The following ACOT1 variants were observed in gnomAD, a reference collection of about 807,000 sequenced individuals.
The protein encoded by ACOT1 is acyl-CoA thioesterase 1, also known as acyl-coenzyme A thioesterase 1.
In ACOT1, 8 loss-of-function variants were observed where a neutral mutation model predicts 15.7. That is an observed-to-expected ratio of 0.51 (90% CI 0.30 to 0.92). ACOT1 has a LOEUF of 0.92. Ranked by LOEUF, ACOT1 falls within the 40% of genes least tolerant of loss-of-function variation. ACOT1 has a pLI of 0.06. For missense variants in ACOT1, 151 were observed against 539.4 expected (o/e 0.28, Z 7.13); for synonymous variants, 67 against 241.2 (o/e 0.28, Z 6.69).
At chr14:73,501,563 C>G in the ACOT1 span, among the ~76,000 whole-genome samples, 3 of 144,240 alleles carry the variant, frequency 2.1e-5, no homozygotes, top group Non-Finnish European at 4.5e-5. Flanking sequence ...TATGCAGTCT[C>G]TCTCTCTTTT....
chr14:73,491,497 G>T, the ACOT1 span: 5 of 1,509,388 alleles, frequency 3.3e-6, no homozygotes, highest in East Asian at 1.2e-4. Context: ...CCGTCCAGTC[G>T]TCCGGGGCCC....
At chr14:73,514,056 C>T in the ACOT1 span, 1 of 1,614,198 alleles carries the variant, frequency 6.2e-7, no homozygotes. Flanking sequence ...TCTTCCATTC[C>T]TTCAGCATCC....
the ACOT1 span, among the ~76,000 whole-genome samples, chr14:73,509,056 G>A: frequency 3.3e-5 from 5 of 151,966 alleles, no homozygotes; most frequent in Non-Finnish European, 7.4e-5. Context: ...TTATAGAGAT[G>A]GGGTCTTGTT....
At chr14:73,505,985 G>T in the ACOT1 span, among the ~76,000 whole-genome samples, 4 of 150,472 alleles carry the variant, frequency 2.7e-5, no homozygotes, top group Admixed American at 2.7e-4. Flanking sequence ...CTGCCTCCTG[G>T]GTTCAAGCGA....
the ACOT1 span, chr14:73,503,104 A>G: frequency 2.0e-6 from 2 of 980,870 alleles, no homozygotes; most frequent in Non-Finnish European, 3.2e-6. Context: ...TTTTTTACTC[A>G]TCACTGTACT....
the ACOT1 span, among the ~76,000 whole-genome samples, chr14:73,506,043 A>G: frequency 1.6e-4 from 25 of 151,994 alleles, no homozygotes; most frequent in Middle Eastern, 3.4e-3. Flanking sequence ...GGCGCGTGCC[A>G]CCACACTCTG....
At chr14:73,504,654 T>C in the ACOT1 span, among the ~76,000 whole-genome samples, 2 of 152,184 alleles carry the variant, frequency 1.3e-5, no homozygotes, top group African/African-American at 4.8e-5. Flanking sequence ...CCAAAACCTT[T>C]TCAGGTGATT....
At chr14:73,491,752 T>C in the ACOT1 span, 10 of 1,559,818 alleles carry the variant, frequency 6.4e-6, no homozygotes, top group Non-Finnish European at 7.8e-6. Flanking sequence ...TCTCTACCGC[T>C]GACCTGGATT....
At position 73,543,043 on chromosome 14, in the gene ACOT1, T is replaced by C; in HGVS notation, c.661-7T>C. 7.5e-7 allele frequency: 1 copy of C among 1,336,550 alleles called. No homozygotes were observed. The highest frequency in any genetic ancestry group is 1.0e-6 in the Non-Finnish European group (1 of 986,572). 82.8% of individuals were successfully genotyped at this position (1,336,550 alleles called of 1,614,324 possible). On this transcript the variant is annotated splice_polypyrimidine_tract_variant and splice_region_variant and intron_variant, in intron 2 of 2. Coordinates refer to ENST00000311148, the MANE Select transcript of ACOT1 (RefSeq NM_001037161.2). ...TTCTTCTTCTTTTTCCTTTGTCCCTTTCTCAGGTAAAAGGTCCAGGAGTTG... is the reference window on the plus strand; with the variant it reads ...TTCTTCTTCTTTTTCCTTTGTCCCTCTCTCAGGTAAAAGGTCCAGGAGTTG...
chr14:73,500,420 C>T, the ACOT1 span: 29 of 967,794 alleles, frequency 3.0e-5, no homozygotes, highest in East Asian at 7.4e-5. Context: ...GTGGCTTATA[C>T]ACCCCCTTCC....
chr14:73,533,881 T>TAAAA (rs59844752), upstream of ACOT1, among the ~76,000 whole-genome samples: 1 of 37,974 alleles, frequency 2.6e-5, no homozygotes, highest in African/African-American at 7.4e-5. Context: ...ACCCTGTCTC[T>TAAAA]AAAAAAAAAA....
the ACOT1 span, among the ~76,000 whole-genome samples, chr14:73,499,608 A>G: frequency 6.6e-6 from 1 of 152,208 alleles, no homozygotes; most frequent in Non-Finnish European, 1.5e-5. Flanking sequence ...AGCCTAAAGT[A>G]CCAACCTATA....
chr14:73,528,886 G>A, the ACOT1 span: 1 of 152,172 alleles, frequency 6.6e-6, no homozygotes, highest in African/African-American at 2.4e-5. Flanking sequence ...TTAAAAGAGA[G>A]GGTGCTTAGA....
chr14:73,492,983 C>T, the ACOT1 span: 1 of 1,594,132 alleles, frequency 6.3e-7, no homozygotes, highest in Non-Finnish European at 8.5e-7. This position sits in a 1 kb window ranked among gnomAD's most constrained non-coding sequence, Gnocchi z 4.9. Flanking sequence ...TAGTGATTCT[C>T]CGCTGCCACT....
the ACOT1 span, among the ~76,000 whole-genome samples, chr14:73,500,279 CTTT>C: frequency 7.1e-5 from 10 of 139,900 alleles, no homozygotes; most frequent in Admixed American, 2.2e-4. Context: ...ATGCACGGAC[CTTT>C]TTTTTTTTTT....
chr14:73,493,010 T>TTC, the ACOT1 span: 5 of 1,583,358 alleles, frequency 3.2e-6, no homozygotes, highest in Non-Finnish European at 3.4e-6. Context: ...TTTTTTTTTT[T>TTC]TTTTTCCTTA....
At chr14:73,510,422 GT>G in the ACOT1 span, among the ~76,000 whole-genome samples, 2 of 146,034 alleles carry the variant, frequency 1.4e-5, no homozygotes, top group Non-Finnish European at 1.5e-5. Context: ...GTTGGCTGGA[GT>G]TTTTTTGTTT....
chr14:73,519,133 G>A, the ACOT1 span: 15 of 1,613,582 alleles, frequency 9.3e-6, no homozygotes, highest in Admixed American at 2.5e-4. Flanking sequence ...GTCTCTCTTT[G>A]CACCAATCTG....
chr14:73,509,718 T>C, the ACOT1 span, among the ~76,000 whole-genome samples: 1 of 149,522 alleles, frequency 6.7e-6, no homozygotes, highest in South Asian at 2.1e-4. Flanking sequence ...TAAACAGCTA[T>C]ATTTAAGCCG....
Sources: gnomAD v4.1 joint callset for allele counts (sites outside exome capture counted in the v4.1 genomes callset) on GRCh38, gnomAD v4.1.1 for gene constraint, Gnocchi (gnomAD v3.1) non-coding constraint, MANE v1.5 for transcripts, NCBI Gene and HGNC (gene_info 2026-07-23, HGNC 2026-07-21) for gene names.